Variants in TNR observed in about 807,000 individuals in gnomAD.
TNR encodes the protein tenascin R.
TNR carries 45 observed loss-of-function variants against 150.4 expected under a neutral mutation model. That is an observed-to-expected ratio of 0.30 (90% confidence interval 0.24 to 0.38). The LOEUF is 0.38. Among genes scored for constraint, TNR ranks in the 10% least tolerant of loss-of-function variants. The probability of loss-of-function intolerance (pLI) is 1.00; values close to 1 mark genes in which losing one functional copy is unlikely to be tolerated. For missense variants in TNR, 1,544 were observed against 1,759.1 expected, an observed-to-expected ratio of 0.88 and a Z score of 2.19; for synonymous variants, 687 against 678.4, an observed-to-expected ratio of 1.01 and a Z score of -0.20.
chr1:175,409,673 T>C (rs1211648613), intron 2 of TNR, among the ~76,000 whole-genome samples: 1 of 152,180 alleles, frequency 6.6e-6, no homozygotes, highest in Non-Finnish European at 1.5e-5. Context: ...TCTAGGTGCC[T>C]GGGATGTTGA....
rs145190320 is a variant in TNR at position 175,335,733 on chromosome 1, G to A, written c.3609C>T (p.Asn1203=). 2.0e-5 allele frequency: 33 copies of A among 1,613,842 alleles called. No homozygotes were observed. Among genetic ancestry groups the A allele is most frequent in the African/African-American group, 2.7e-5 (2 of 74,854 alleles). The part of the protein sequence containing the change: ...KWADYRVGFG[N]VEDEFWLGLD... ...TACCCAGCCAGAACTCATCCTCCAC[G>A]TTCCCGAAGCCAACACGGTAATCAG... The change falls in exon 20 of 23, where the codon AAC becomes AAT. Residue 1203 remains asparagine, a synonymous_variant. Coordinates refer to ENST00000367674, the MANE Select transcript of TNR (RefSeq NM_003285.3).
At chr1:175,592,255 G>A (rs938815079) in intron 1 of TNR, among the ~76,000 whole-genome samples, 2 of 152,180 alleles carry the variant, frequency 1.3e-5, no homozygotes, top group Non-Finnish European at 1.5e-5. Flanking sequence ...AACTCGGGTG[G>A]TTATTATCAC....
chr1:175,433,056 C>A (rs1374108185), intron 2 of TNR, among the ~76,000 whole-genome samples: 3 of 152,162 alleles, frequency 2.0e-5, no homozygotes, highest in South Asian at 2.1e-4. Flanking sequence ...ATGGCTGGAG[C>A]TCCAGAAGCC....
rs148194473 is a variant in TNR, at chr1:175,405,046, C to A, written c.499+1170G>T. Among the ~76,000 whole-genome samples, 168 of 152,308 alleles carry A rather than the reference C, an allele frequency of 1.1e-3. 2 individuals are homozygous for A. The highest frequency in any genetic ancestry group is 3.8e-3 in the African/African-American group (158 of 41,564). On this transcript the variant is annotated intron_variant, in intron 3 of 22. Transcript: ENST00000367674. ...AGGCTCTGTTAAAATTTCACTCTGC[C>A]ACCTCCAGCTTTCATCCCCGTGAAA...
intron 1 of TNR, among the ~76,000 whole-genome samples, chr1:175,618,526 C>G (rs1663853111): frequency 6.6e-6 from 1 of 152,118 alleles, no homozygotes; most frequent in African/African-American, 2.4e-5. Context: ...AACTGCAGTT[C>G]TTTTTCACAT....
At chr1:175,730,211 T>C (rs909140532) in intron 1 of TNR, among the ~76,000 whole-genome samples, 2 of 152,160 alleles carry the variant, frequency 1.3e-5, no homozygotes, top group African/African-American at 4.8e-5. Context: ...CCCCGAGCCT[T>C]TGCATATGCT....
intron 2 of TNR, among the ~76,000 whole-genome samples, chr1:175,436,114 T>C (rs1655496854): frequency 6.6e-6 from 1 of 152,176 alleles, no homozygotes; most frequent in Non-Finnish European, 1.5e-5. Flanking sequence ...CAATTATGTG[T>C]CTTGGAGTTG....
rs151281275 is a variant in TNR, at chr1:175,545,789, G to A, written c.-164-17420C>T. ...ACACAGCTAATAAGTAGCAAACGGA[G>A]GCCATCCAGCTTCAGAGAGCGGGTC... On this transcript the variant is annotated intron_variant, in intron 1 of 22. Transcript: ENST00000367674. Among the ~76,000 whole-genome samples, 991 of 152,334 alleles carry A rather than the reference G, an allele frequency of 6.5e-3. 14 individuals are homozygous for A. Among genetic ancestry groups the A allele is most frequent in the African/African-American group, 0.022 (917 of 41,568 alleles).
intron 1 of TNR, among the ~76,000 whole-genome samples, chr1:175,529,019 T>C (rs1659962663): frequency 6.6e-6 from 1 of 152,246 alleles, no homozygotes. Context: ...ACAGAAGCAG[T>C]GGCATCGATT....
chr1:175,732,276 A>C (rs767489291), intron 1 of TNR, among the ~76,000 whole-genome samples: 4 of 152,226 alleles, frequency 2.6e-5, no homozygotes, highest in Non-Finnish European at 5.9e-5. Flanking sequence ...AGTTAAAAGA[A>C]GTGGCCCACA....
intron 1 of TNR, among the ~76,000 whole-genome samples, chr1:175,685,208 T>C (rs1168302481): frequency 6.6e-6 from 1 of 152,222 alleles, no homozygotes; most frequent in Non-Finnish European, 1.5e-5. Flanking sequence ...CCCTCAGTAA[T>C]TGATCTTCAA....
intron 9 of TNR, 94 bp from the exon 10 acceptor site, chr1:175,367,391 A>T (rs957888870): frequency 9.9e-7 from 1 of 1,014,974 alleles, no homozygotes; most frequent in Non-Finnish European, 1.5e-6. Context: ...ACTCCTATTC[A>T]TATCTTGTGT....
chr1:175,700,644 T>G (rs996133621), intron 1 of TNR, among the ~76,000 whole-genome samples: 11 of 152,178 alleles, frequency 7.2e-5, no homozygotes, highest in African/African-American at 2.4e-4. Flanking sequence ...GAATGAGCAC[T>G]GGGTCTGCAG....
chr1:175,496,962 C>G (rs1658514678), intron 2 of TNR, among the ~76,000 whole-genome samples: 1 of 152,172 alleles, frequency 6.6e-6, no homozygotes, highest in Non-Finnish European at 1.5e-5. Context: ...CTGCCTTTCC[C>G]CCGTAAGTCC....
intron 2 of TNR, among the ~76,000 whole-genome samples, chr1:175,425,718 G>A (rs1407501085): frequency 1.3e-5 from 2 of 152,180 alleles, no homozygotes; most frequent in African/African-American, 4.8e-5. Flanking sequence ...CCCTGGCACT[G>A]CTGCACTTGA....
intron 1 of TNR, among the ~76,000 whole-genome samples, chr1:175,677,296 C>T (rs927996630): frequency 6.6e-6 from 1 of 152,206 alleles, no homozygotes; most frequent in African/African-American, 2.4e-5. Flanking sequence ...ACCTCTACCT[C>T]CCCTTTGGCC....
chr1:175,483,938 CA>C (rs1264593136), intron 2 of TNR, among the ~76,000 whole-genome samples: 5 of 152,282 alleles, frequency 3.3e-5, no homozygotes, highest in Admixed American at 6.5e-5. Context: ...GCAAGATTTC[CA>C]TGGTTCCAGC....
At chr1:175,509,407 GA>G (rs1659078687) in intron 2 of TNR, among the ~76,000 whole-genome samples, 1 of 152,170 alleles carries the variant, frequency 6.6e-6, no homozygotes, top group East Asian at 1.9e-4. Context: ...TTATCTTTGA[GA>G]AAAATGTAAT....
chr1:175,316,425 C>G lies in TNR; in HGVS notation c.*6932G>C, dbSNP rs570000995. The G allele has an allele frequency of 5.3e-5, 8 of 152,344 alleles. No individual in the cohort carries two copies. The highest frequency in any genetic ancestry group is 1.9e-4 in the African/African-American group (8 of 41,560). 9.4% of individuals were successfully genotyped at this position (152,344 alleles called of 1,614,324 possible). A position where few individuals can be genotyped will look rare whatever the true frequency, so the allele number is the denominator to read the frequency against. On this transcript the variant is annotated 3_prime_UTR_variant, in exon 23 of 23. Coordinates refer to ENST00000367674, the MANE Select transcript of TNR (RefSeq NM_003285.3). ...CCCCTGGGAGTCTGGAAGGAGGTAG[C>G]CTAAATCAGTCTACAACCTGCTGGA...
Sources: gnomAD v4.1 joint callset for allele counts (sites outside exome capture counted in the v4.1 genomes callset) on GRCh38, gnomAD v4.1.1 for gene constraint, MANE v1.5 for transcripts, NCBI Gene and HGNC (gene_info 2026-07-23, HGNC 2026-07-21) for gene names.